WDR31: variants seen among roughly 807,000 people sequenced by gnomAD.
The protein encoded by WDR31 is WD repeat-containing protein 31.
In WDR31, 30 loss-of-function variants were observed where a neutral mutation model predicts 47.3. The observed-to-expected ratio is 0.63, with a 90% CI of 0.47 to 0.86. The LOEUF (loss-of-function observed/expected upper bound fraction) is 0.86. WDR31 is among the 40% of genes least tolerant of loss of function. The pLI is 0.00. For synonymous variants in WDR31, 137 were observed against 159.4 expected, an observed-to-expected ratio of 0.86 and a Z score of 1.06; for missense variants, 406 against 442.9, an observed-to-expected ratio of 0.92 and a Z score of 0.75.
At chr9:113,323,983 T>A (rs1833392290) in intron 5 of WDR31, among the ~76,000 whole-genome samples, 1 of 152,238 alleles carries the variant, frequency 6.6e-6, no homozygotes, top group Non-Finnish European at 1.5e-5. Context: ...GCCTGATATA[T>A]CTTTGCTGAC....
At position 113,324,194 on chromosome 9, in the gene WDR31, A is replaced by G. The variant is rs532771743; in HGVS notation, c.325-1039T>C. On this transcript the variant is annotated intron_variant, in intron 5 of 10. Transcript: ENST00000374193. ...AACTGAAACTCTACAACCTTTAAACAATTACTCTCCATTTTCCTCTCCCCG... is the reference window on the plus strand; with the variant it reads ...AACTGAAACTCTACAACCTTTAAACGATTACTCTCCATTTTCCTCTCCCCG... 7.2e-5 allele frequency among the ~76,000 whole-genome samples: 11 copies of G among 152,052 alleles called. No individual in the cohort carries two copies. The South Asian group carries it at 2.1e-3, about 29-fold the overall frequency.
Position 113,313,323 on chromosome 9 carries a change from C to T in WDR31, c.*3426G>A, listed in dbSNP as rs1833116801. The T allele has an allele frequency of 6.6e-6, 1 of 152,220 alleles. No individual in the cohort carries two copies. Among genetic ancestry groups the T allele is most frequent in the South Asian group, 2.1e-4 (1 of 4,838 alleles). The allele number at this position is 152,220 out of a possible 1,614,324, so 9.4% of individuals were successfully genotyped here. On this transcript the variant is annotated 3_prime_UTR_variant, in exon 11 of 11. Transcript: ENST00000374193. ...CTTTCCTTCTCCTGGCAGCCTGTCC[C>T]CCTTCCCTGGGACCCCCTCCCAACT... is the stretch of plus-strand genomic sequence containing the variant.
intron 5 of WDR31, among the ~76,000 whole-genome samples, chr9:113,325,693 T>G (rs1833445515): frequency 6.6e-6 from 1 of 151,830 alleles, no homozygotes; most frequent in Non-Finnish European, 1.5e-5. Flanking sequence ...TGGATTTTTA[T>G]CTAGTCTATT....
intron 9 of WDR31, 74 bp from the exon 10 acceptor site, chr9:113,318,711 C>G: frequency 2.6e-6 from 4 of 1,513,260 alleles, no homozygotes; most frequent in Non-Finnish European, 3.6e-6. Context: ...CTCCCCCTAC[C>G]CCCATGATGC....
intron 4 of WDR31, among the ~76,000 whole-genome samples, chr9:113,329,996 T>C (rs1310758763): frequency 6.6e-6 from 1 of 151,822 alleles, no homozygotes; most frequent in Non-Finnish European, 1.5e-5. Flanking sequence ...AATAATAATA[T>C]AATAAAAATA....
In WDR31 at chr9:113,316,488, C is replaced by A; in HGVS notation, c.*261G>T. On this transcript the variant is annotated 3_prime_UTR_variant, in exon 11 of 11. Coordinates refer to ENST00000374193, the MANE Select transcript of WDR31 (RefSeq NM_001012361.4). ...AATACACTTTTTTTGAAGAGTAGTC[C>A]TAAAAGCTCACTAAAAAGTTGCATT... 2.6e-6 allele frequency: 1 copy of A among 380,642 alleles called. No homozygotes were observed. Among genetic ancestry groups the A allele is most frequent in the Non-Finnish European group, 4.8e-6 (1 of 210,014 alleles). 23.6% of individuals were successfully genotyped at this position (380,642 alleles called of 1,614,324 possible). A position where few individuals can be genotyped will look rare whatever the true frequency, so the allele number is the denominator to read the frequency against.
chr9:113,325,517 T>C (rs1833441886), intron 5 of WDR31, among the ~76,000 whole-genome samples: 1 of 152,012 alleles, frequency 6.6e-6, no homozygotes, highest in Non-Finnish European at 1.5e-5. Context: ...GGAACTTAAG[T>C]TCTTCTCATG....
chr9:113,315,324 AG>A lies in WDR31; in HGVS notation c.*1424del, dbSNP rs905079065. ...CAGTTAGCCATGATCACACCAAGAG[AG>A]GGAAGAAGGAAGGTGGCTGTCAGTC... On this transcript the variant is annotated 3_prime_UTR_variant, in exon 11 of 11. Coordinates refer to ENST00000374193, the MANE Select transcript of WDR31 (RefSeq NM_001012361.4). 6.6e-6 allele frequency: 1 copy of A among 151,908 alleles called. No homozygotes were observed. The highest frequency in any genetic ancestry group is 1.5e-5 in the Non-Finnish European group (1 of 68,056). 9.4% of individuals were successfully genotyped at this position (151,908 alleles called of 1,614,324 possible). A position where few individuals can be genotyped will look rare whatever the true frequency, so the allele number is the denominator to read the frequency against.
At chr9:113,339,271 T>C (rs553229725) in intron 1 of WDR31, among the ~76,000 whole-genome samples, 3 of 152,346 alleles carry the variant, frequency 2.0e-5, no homozygotes, top group Non-Finnish European at 2.9e-5. Context: ...CCGACTGTTC[T>C]ATTCCATGAA....
At chr9:113,329,369 A>G (rs1010162564) in intron 4 of WDR31, among the ~76,000 whole-genome samples, 9 of 151,828 alleles carry the variant, frequency 5.9e-5, no homozygotes, top group African/African-American at 1.9e-4. Flanking sequence ...AGCTGGGCGC[A>G]GTGGCTCATG....
rs200231005 is a variant in WDR31, at chr9:113,332,042, T to C, written c.-20A>G. On this transcript the variant is annotated 5_prime_UTR_variant, in exon 3 of 11. Transcript: ENST00000374193. ...CAGCATCCCTTGTGGCTGCTGGAAG[T>C]TGTGTTCCCTGTTTAATAAAAAGAA... 260 of 1,602,822 alleles carry C rather than the reference T, an allele frequency of 1.6e-4. No homozygotes were observed. The highest frequency in any genetic ancestry group is 2.1e-4 in the Non-Finnish European group (250 of 1,170,048).
At chr9:113,321,467 CA>C in intron 8 of WDR31, 43 bp downstream of exon 8, 1 of 1,600,780 alleles carries the variant, frequency 6.2e-7, no homozygotes, top group Non-Finnish European at 8.6e-7. Context: ...ATGGGAGCCA[CA>C]AACCTCACAA....
At position 113,331,012 on chromosome 9, in the gene WDR31, T is replaced by G. The variant is rs1206103306; in HGVS notation, c.221A>C (p.Asp74Ala). 2 of 1,610,514 alleles carry G rather than the reference T, an allele frequency of 1.2e-6. No homozygotes were observed. The highest frequency in any genetic ancestry group is 1.3e-5 in the African/African-American group (1 of 74,814). ...TVSVVAALNS[D>A]LCVSGGKDKT... The stretch of plus-strand genomic sequence containing the variant: ...ATCTTTCCCTCCAGAGACACAAAGG[T>G]CTGAGTTCAAAGCAGCCACGACAGA... Residue 74 changes from aspartate to alanine, a missense_variant, in exon 4 of 11, where the codon GAC (aspartate) becomes GCC (alanine). Coordinates refer to ENST00000374193, the MANE Select transcript of WDR31 (RefSeq NM_001012361.4).
chr9:113,339,262 C>T (rs1297969465), intron 1 of WDR31, among the ~76,000 whole-genome samples: 2 of 152,154 alleles, frequency 1.3e-5, no homozygotes, highest in African/African-American at 2.4e-5. Context: ...AGTACCTATC[C>T]GACTGTTCTA....
chr9:113,327,010 A>AT (rs1269743104), intron 5 of WDR31, among the ~76,000 whole-genome samples: 2 of 146,402 alleles, frequency 1.4e-5, no homozygotes, highest in East Asian at 2.1e-4. Context: ...TAATTTTTTA[A>AT]TTTTTTGTGG....
chr9:113,316,950 T>C lies in WDR31; in HGVS notation c.944-41A>G, dbSNP rs373364103. The C allele has an allele frequency of 8.1e-6, 13 of 1,595,746 alleles. No individual in the cohort carries two copies. The African/African-American group carries it at 1.1e-4, about 13-fold the overall frequency. ...GGACCAGCAGATTAGGCCAAGAGTGTAGCATCATGAAATGTGATGTCTTCA... is the reference window on the plus strand; with the variant it reads ...GGACCAGCAGATTAGGCCAAGAGTGCAGCATCATGAAATGTGATGTCTTCA... On this transcript the variant is annotated intron_variant, in intron 10 of 10. Transcript: ENST00000374193.
intron 4 of WDR31, among the ~76,000 whole-genome samples, chr9:113,329,495 C>G (rs546446393): frequency 6.9e-6 from 1 of 144,340 alleles, no homozygotes; most frequent in East Asian, 2.1e-4. Context: ...ACAAAATAAG[C>G]CAGGTGTGGT....
chr9:113,323,150 G>A lies in WDR31; in HGVS notation c.330C>T (p.Ala110=). 2 of 1,613,252 alleles carry A rather than the reference G, an allele frequency of 1.2e-6. No individual in the cohort carries two copies. Among genetic ancestry groups the A allele is most frequent in the Non-Finnish European group, 1.7e-6 (2 of 1,179,634 alleles). The change falls in exon 6 of 11, where the codon GCC becomes GCT. Residue 110 remains alanine (A), a synonymous_variant. Coordinates refer to ENST00000374193, the MANE Select transcript of WDR31 (RefSeq NM_001012361.4). ...AGAACTGGCTGGATTTGGGAATACA[G>A]GCTACCTGCTCAGGGAAAAAACAAC... ...KGHEHEITKV[A]CIPKSSQFFS...
intron 3 of WDR31, 51 bp downstream of exon 3, chr9:113,331,856 G>A: frequency 1.3e-6 from 2 of 1,564,124 alleles, no homozygotes; most frequent in Non-Finnish European, 1.8e-6. Flanking sequence ...TCAGTGGAGA[G>A]TTTTAATGGG....
Sources: gnomAD v4.1 joint callset for allele counts (sites outside exome capture counted in the v4.1 genomes callset) on GRCh38, gnomAD v4.1.1 for gene constraint, MANE v1.5 for transcripts, NCBI Gene and HGNC (gene_info 2026-07-23, HGNC 2026-07-21) for gene names.